Variants in ZNF571 observed in about 807,000 individuals in gnomAD.
ZNF571 encodes zinc finger protein 571.
Under a neutral mutation model 7.7 loss-of-function variants are expected in ZNF571, and 4 were observed. The ratio of observed to expected loss-of-function variants is 0.52; its 90% confidence interval spans 0.25 to 1.18. ZNF571 has a LOEUF of 1.18. ZNF571 is among the 50% of genes most tolerant of loss of function. ZNF571 has a pLI of 0.14. For synonymous variants in ZNF571, 251 were observed against 232.4 expected (o/e 1.08, Z -0.73); for missense variants, 704 against 726.9 (o/e 0.97, Z 0.36).
chr19:37,569,694 C>T lies in ZNF571; in HGVS notation c.137-3403G>A, dbSNP rs1415282398. Among the ~76,000 whole-genome samples, 2 of 152,138 alleles carry T rather than the reference C, an allele frequency of 1.3e-5. No homozygotes were observed. The highest frequency in any genetic ancestry group is 2.4e-5 in the African/African-American group (1 of 41,426). ...CTCCGACTCCCTTGTGGCACCTCTG[C>T]CTCACTAGGCTCCAGCTGCAAAAGC... On this transcript the variant is annotated intron_variant, in intron 3 of 3. Transcript: ENST00000451802. The surrounding 1 kb of genome is among the most constrained non-coding windows in gnomAD (Gnocchi z 4.4).
chr19:37,588,571 G>T (rs534751588), intron 1 of ZNF571, among the ~76,000 whole-genome samples: 1 of 152,164 alleles, frequency 6.6e-6, no homozygotes, highest in Non-Finnish European at 1.5e-5. Flanking sequence ...GAGAGAAGGA[G>T]GAGGGCAAAG....
chr19:37,578,633 C>T (rs1264803786), intron 3 of ZNF571, among the ~76,000 whole-genome samples: 1 of 152,158 alleles, frequency 6.6e-6, no homozygotes, highest in Non-Finnish European at 1.5e-5. Flanking sequence ...AGGAAAGGCT[C>T]GGCTTCACCC....
At chr19:37,571,520 AC>A (rs1380482775) in intron 3 of ZNF571, among the ~76,000 whole-genome samples, 1 of 152,118 alleles carries the variant, frequency 6.6e-6, no homozygotes, top group East Asian at 1.9e-4. Context: ...AAACAAAAAA[AC>A]AAATTCAAAC....
chr19:37,571,284 C>T (rs1371285631), intron 3 of ZNF571, among the ~76,000 whole-genome samples: 1 of 152,020 alleles, frequency 6.6e-6, no homozygotes, highest in Non-Finnish European at 1.5e-5. Context: ...CACCTCAGGT[C>T]GGGAGTTTGA....
intron 3 of ZNF571, among the ~76,000 whole-genome samples, chr19:37,579,196 C>G (rs2043356612): frequency 6.6e-6 from 1 of 152,226 alleles, no homozygotes; most frequent in Non-Finnish European, 1.5e-5. Flanking sequence ...TCCCACCTCC[C>G]CACATCATAG....
intron 3 of ZNF571, among the ~76,000 whole-genome samples, chr19:37,580,253 C>G (rs1050792356): frequency 3.3e-5 from 5 of 152,236 alleles, no homozygotes; most frequent in Non-Finnish European, 7.3e-5. Flanking sequence ...TCTAACTCAT[C>G]AGCAGACATC....
chr19:37,577,370 A>T (rs2043278710), intron 3 of ZNF571, among the ~76,000 whole-genome samples: 1 of 152,182 alleles, frequency 6.6e-6, no homozygotes, highest in South Asian at 2.1e-4. Flanking sequence ...TTTGAACCAA[A>T]CCTAGCCCCA....
At chr19:37,574,547 C>T (rs571837887) in intron 3 of ZNF571, among the ~76,000 whole-genome samples, 1 of 152,320 alleles carries the variant, frequency 6.6e-6, no homozygotes, top group African/African-American at 2.4e-5. Context: ...TAGAACTCAA[C>T]TAATAACATA....
chr19:37,568,317 A>AC (rs5827983), intron 3 of ZNF571, among the ~76,000 whole-genome samples: 60,056 of 141,108 alleles, frequency 0.43, 13,453 homozygotes, highest in East Asian at 0.72. Context: ...AAAAGCAACT[A>AC]CCCCCCCCCA....
At chr19:37,594,295 A>T (rs904983281) in intron 1 of ZNF571, 7 of 152,294 alleles carry the variant, frequency 4.6e-5, no homozygotes, top group African/African-American at 7.2e-5. Flanking sequence ...CACGAGGAGT[A>T]CTGCGGCCCG....
chr19:37,590,697 G>T (rs2043844260), intron 1 of ZNF571, among the ~76,000 whole-genome samples: 1 of 152,032 alleles, frequency 6.6e-6, no homozygotes, highest in African/African-American at 2.4e-5. Flanking sequence ...AATATGTAAG[G>T]ACATAGGACA....
At chr19:37,591,787 G>A (rs1431541683) in intron 1 of ZNF571, among the ~76,000 whole-genome samples, 1 of 151,846 alleles carries the variant, frequency 6.6e-6, no homozygotes, top group Non-Finnish European at 1.5e-5. Flanking sequence ...CAGGTGATTC[G>A]CCTGCCTCGG....
intron 3 of ZNF571, among the ~76,000 whole-genome samples, chr19:37,574,397 T>C (rs886143260): frequency 2.0e-5 from 3 of 152,232 alleles, no homozygotes; most frequent in Non-Finnish European, 2.9e-5. Flanking sequence ...TTCAATTGAA[T>C]GTCTTGCAAT....
At chr19:37,566,604 G>T (rs8101610) in intron 3 of ZNF571, 62,020 of 219,358 alleles carry the variant, frequency 0.28, 10,270 homozygotes, top group Non-Finnish European at 0.37. Flanking sequence ...ATGTGTAGCT[G>T]GACATACAAT....
chr19:37,573,385 G>A (rs991609759), intron 3 of ZNF571, among the ~76,000 whole-genome samples: 4 of 152,182 alleles, frequency 2.6e-5, no homozygotes, highest in Non-Finnish European at 5.9e-5. Flanking sequence ...TCTCCTGGCA[G>A]CAGCAACTGG....
At chr19:37,587,899 G>A (rs1402592790) in intron 1 of ZNF571, among the ~76,000 whole-genome samples, 8 of 151,822 alleles carry the variant, frequency 5.3e-5, no homozygotes, top group Admixed American at 5.2e-4. Flanking sequence ...ATCACTTGAG[G>A]TCAGGAGTTC....
At position 37,566,109 on chromosome 19, in the gene ZNF571, A is replaced by T. The variant is rs1356214392; in HGVS notation, c.319T>A (p.Tyr107Asn). Residue 107 changes from tyrosine to asparagine, a missense_variant, in exon 4 of 4, where the codon TAC (tyrosine) becomes AAC (asparagine). Transcript: ENST00000451802. Reference sequence around the variant, plus strand: ...TCACAGGTAATTTTGACACACATGTAAAGCCCTTCCTGACTTGCTTCTTGA... The same window carrying T: ...TCACAGGTAATTTTGACACACATGTTAAGCCCTTCCTGACTTGCTTCTTGA... ...EGQEASQEGL[Y>N]MCVKITCEEK... is the part of the protein sequence containing the mutation. 1.2e-6 allele frequency: 2 copies of T among 1,613,960 alleles called. No homozygotes were observed. The highest frequency in any genetic ancestry group is 1.7e-6 in the Non-Finnish European group (2 of 1,179,942).
chr19:37,571,250 CAT>C lies in ZNF571; in HGVS notation c.137-4961_137-4960del, dbSNP rs564949935. Among the ~76,000 whole-genome samples the C allele has an allele frequency of 2.8e-4, 42 of 152,208 alleles. 1 individual carries two copies. In the South Asian group the frequency reaches 5.4e-3, roughly 20 times the overall value. On this transcript the variant is annotated intron_variant, in intron 3 of 3. Transcript: ENST00000451802. ...CGGTGGCTCATGCCTGTAATCCCAG[CAT>C]GGGAGGCTGAGGTGGGCAGATCACC...
intron 1 of ZNF571, among the ~76,000 whole-genome samples, chr19:37,591,614 G>A (rs1028264961): frequency 2.2e-4 from 33 of 152,232 alleles, no homozygotes; most frequent in African/African-American, 7.5e-4. Flanking sequence ...GCGCAATCTC[G>A]GCTCACCACA....
Sources: gnomAD v4.1 joint callset for allele counts (sites outside exome capture counted in the v4.1 genomes callset) on GRCh38, gnomAD v4.1.1 for gene constraint, Gnocchi (gnomAD v3.1) non-coding constraint, MANE v1.5 for transcripts, NCBI Gene and HGNC (gene_info 2026-07-23, HGNC 2026-07-21) for gene names.